Variants in CTCF observed in about 807,000 individuals in gnomAD.
The protein encoded by CTCF is CCCTC-binding factor.
Under a neutral mutation model 72.3 loss-of-function variants are expected in CTCF, and 7 were observed. The ratio of observed to expected loss-of-function variants is 0.10; its 90% confidence interval spans 0.06 to 0.18. CTCF has a LOEUF of 0.18. Among genes scored for constraint, CTCF ranks in the 10% least tolerant of loss-of-function variants. The pLI is 1.00. For missense variants in CTCF, 516 were observed against 949.1 expected (o/e 0.54, Z 6.00); for synonymous variants, 374 against 315.8 (o/e 1.18, Z -1.95).
At chr16:67,637,178 A>G (rs1036814319) in intron 11 of CTCF, among the ~76,000 whole-genome samples, 10 of 152,214 alleles carry the variant, frequency 6.6e-5, no homozygotes, top group Admixed American at 2.6e-4. Flanking sequence ...TAATGAATAT[A>G]AAAGAGCCAA....
intron 10 of CTCF, among the ~76,000 whole-genome samples, chr16:67,633,767 C>T (rs893628691): frequency 4.7e-5 from 7 of 148,280 alleles, no homozygotes; most frequent in Non-Finnish European, 1.0e-4. Flanking sequence ...AAAAGAATTT[C>T]CGTCTTGTCC....
chr16:67,594,003 T>C (rs951943897), intron 2 of CTCF, among the ~76,000 whole-genome samples: 16 of 152,218 alleles, frequency 1.1e-4, no homozygotes, highest in Non-Finnish European at 1.6e-4. Flanking sequence ...TACTAAACCT[T>C]AATATCTTCA....
intron 7 of CTCF, among the ~76,000 whole-genome samples, 196 bp downstream of exon 7, chr16:67,621,787 C>G (rs940025941): frequency 1.7e-5 from 2 of 117,336 alleles, no homozygotes; most frequent in East Asian, 5.0e-4. Context: ...CCTTTTCTTA[C>G]TGTAGTCAGG....
At chr16:67,603,831 A>G (rs2051932291) in intron 2 of CTCF, among the ~76,000 whole-genome samples, 1 of 151,488 alleles carries the variant, frequency 6.6e-6, no homozygotes, top group Non-Finnish European at 1.5e-5. Context: ...TCTCAAAAAA[A>G]AAAAAAAAAA....
At chr16:67,590,033 G>A (rs528145177) in intron 2 of CTCF, among the ~76,000 whole-genome samples, 1 of 152,056 alleles carries the variant, frequency 6.6e-6, no homozygotes, top group South Asian at 2.1e-4. Context: ...GTTGCAGTGA[G>A]CCAAGATGGC....
intron 2 of CTCF, among the ~76,000 whole-genome samples, chr16:67,605,646 A>G (rs1268271874): frequency 6.6e-6 from 1 of 152,222 alleles, no homozygotes; most frequent in East Asian, 1.9e-4. Flanking sequence ...AAGAGCTTTC[A>G]CACCCAACTG....
chr16:67,631,127 T>TA (rs2052355784), intron 10 of CTCF, among the ~76,000 whole-genome samples: 1 of 151,806 alleles, frequency 6.6e-6, no homozygotes, highest in Non-Finnish European at 1.5e-5. Context: ...TTTAGTGACT[T>TA]TATTGGGCTT....
In CTCF at chr16:67,631,150, G is replaced by GTTT. The variant is rs1472086135; in HGVS notation, c.1837+1618_1837+1620dup. On this transcript the variant is annotated intron_variant, in intron 10 of 11. Coordinates refer to ENST00000264010, the MANE Select transcript of CTCF (RefSeq NM_006565.4). The stretch of plus-strand genomic sequence containing the variant: ...CTTTATTGGGCTTTTTTTGTTCTTT[G>GTTT]TTTGTTTTTTTTTTGTTTTTTGTTT... Among the ~76,000 whole-genome samples the GTTT allele has an allele frequency of 1.6e-4, 21 of 132,528 alleles. 1 individual carries two copies. The highest frequency in any genetic ancestry group is 6.1e-4 in the African/African-American group (19 of 31,342). The allele number at this position is 132,528 out of a possible 152,430, so 86.9% of individuals were successfully genotyped here. A position where few individuals can be genotyped will look rare whatever the true frequency, so the allele number is the denominator to read the frequency against.
intron 2 of CTCF, among the ~76,000 whole-genome samples, chr16:67,571,869 T>C (rs1298093021): frequency 6.6e-6 from 1 of 152,222 alleles, no homozygotes; most frequent in African/African-American, 2.4e-5. Flanking sequence ...ATGGACATTA[T>C]ATGGAACTTG....
At chr16:67,585,512 C>T (rs1050866220) in intron 2 of CTCF, among the ~76,000 whole-genome samples, 19 of 152,320 alleles carry the variant, frequency 1.2e-4, no homozygotes, top group African/African-American at 4.3e-4. Flanking sequence ...ATCTTCTTAA[C>T]CCAGGACTTT....
intron 1 of CTCF, among the ~76,000 whole-genome samples, chr16:67,563,014 C>T (rs1051340751): frequency 6.7e-6 from 1 of 150,340 alleles, no homozygotes; most frequent in Non-Finnish European, 1.5e-5. Context: ...CGCCCGGCGA[C>T]TCCATTTTCC....
At chr16:67,632,105 G>A (rs913071204) in intron 10 of CTCF, among the ~76,000 whole-genome samples, 2 of 148,014 alleles carry the variant, frequency 1.4e-5, no homozygotes, top group African/African-American at 2.5e-5. Flanking sequence ...AAAAATTATT[G>A]CACTGAACTG....
intron 2 of CTCF, among the ~76,000 whole-genome samples, chr16:67,577,260 T>TA (rs1477519526): frequency 6.9e-6 from 1 of 145,414 alleles, no homozygotes; most frequent in Non-Finnish European, 1.5e-5. Context: ...CTACTAAAAA[T>TA]ACAAAAATTA....
intron 2 of CTCF, among the ~76,000 whole-genome samples, chr16:67,603,472 G>A (rs532529962): frequency 6.6e-6 from 1 of 151,890 alleles, no homozygotes; most frequent in East Asian, 1.9e-4. Context: ...GGCGGAGCTT[G>A]CAGTGAGCCG....
At position 67,610,880 on chromosome 16, in the gene CTCF, T is replaced by A; in HGVS notation, c.48T>A (p.Phe16Leu). ...VEAIVEESET[F>L]IKGKERKTYQ... is the part of the protein sequence containing the mutation. ...CCATTGTGGAGGAGTCCGAAACTTT[T>A]ATTAAAGGAAAGGAGAGAAAGACTT... The change falls in exon 3 of 12, where the codon TTT becomes TTA. Residue 16 changes from phenylalanine (F) to leucine (L), a missense_variant. Phe to Leu is a conservative substitution (Grantham distance 22, BLOSUM62 0). Transcript: ENST00000264010. 6.6e-7 allele frequency: 1 copy of A among 1,504,492 alleles called. No individual in the cohort carries two copies. The highest frequency in any genetic ancestry group is 1.4e-5 in the African/African-American group (1 of 71,690). The allele number at this position is 1,504,492 out of a possible 1,614,324, so 93.2% of individuals were successfully genotyped here.
At chr16:67,606,164 T>C (rs1036437744) in intron 2 of CTCF, among the ~76,000 whole-genome samples, 1 of 152,312 alleles carries the variant, frequency 6.6e-6, no homozygotes, top group Middle Eastern at 3.4e-3. Flanking sequence ...CCTGTCTTAC[T>C]ACCCTCTCCT....
At chr16:67,570,511 C>T (rs1353096459) in intron 1 of CTCF, among the ~76,000 whole-genome samples, 6 of 148,914 alleles carry the variant, frequency 4.0e-5, no homozygotes, top group South Asian at 2.1e-4. Flanking sequence ...TGCCGTGGTG[C>T]GATCTCGGCT....
chr16:67,624,243 G>A (rs113751961), intron 7 of CTCF, among the ~76,000 whole-genome samples: 2,207 of 151,518 alleles, frequency 0.015, 27 homozygotes, highest in Admixed American at 0.025. Flanking sequence ...CTCCTTCCCA[G>A]CCAGCCTTTA....
At chr16:67,591,258 C>CTCCAG (rs2051740307) in intron 2 of CTCF, among the ~76,000 whole-genome samples, 2 of 152,130 alleles carry the variant, frequency 1.3e-5, no homozygotes. Context: ...CACCACTGCA[C>CTCCAG]TCCAGCCTGG....
Sources: allele counts gnomAD v4.1 joint callset (sites outside exome capture counted in the v4.1 genomes callset), GRCh38; gene constraint gnomAD v4.1.1; transcripts MANE v1.5; gene names NCBI Gene and HGNC (gene_info 2026-07-23, HGNC 2026-07-21).